DSCAML1: variants seen among roughly 807,000 people sequenced by gnomAD.
DSCAML1 encodes cell adhesion molecule DSCAML1.
Under a neutral mutation model 200.5 loss-of-function variants are expected in DSCAML1, and 38 were observed. The ratio of observed to expected loss-of-function variants is 0.19; its 90% CI spans 0.15 to 0.25. DSCAML1 has a LOEUF of 0.25. DSCAML1 is among the 10% of genes least tolerant of loss of function. DSCAML1 has a pLI of 1.00. For missense variants in DSCAML1, 2,223 were observed against 2,858.8 expected (o/e 0.78, Z 5.07); for synonymous variants, 1,215 against 1,165.0 (o/e 1.04, Z -0.87).
intron 7 of DSCAML1, among the ~76,000 whole-genome samples, chr11:117,517,950 A>ATGGT (rs760173146): frequency 7.7e-4 from 117 of 152,240 alleles, no homozygotes; most frequent in Non-Finnish European, 1.2e-3. Flanking sequence ...GCGGGAGAAG[A>ATGGT]TGGTGCCCTG....
intron 3 of DSCAML1, among the ~76,000 whole-genome samples, chr11:117,607,235 A>G (rs1051625538): frequency 6.6e-6 from 1 of 152,134 alleles, no homozygotes; most frequent in Non-Finnish European, 1.5e-5. Context: ...TCTGTGGCTG[A>G]GTCTATCCAC....
At chr11:117,751,138 A>T (rs548204456) in intron 3 of DSCAML1, among the ~76,000 whole-genome samples, 2 of 152,216 alleles carry the variant, frequency 1.3e-5, no homozygotes, top group Non-Finnish European at 2.9e-5. Flanking sequence ...GTTGGCACGG[A>T]CGTGACTCTG....
chr11:117,780,260 G>GAA lies in DSCAML1; in HGVS notation c.364+231_364+232dup, dbSNP rs1297367517. Among the ~76,000 whole-genome samples, 3 of 91,408 alleles carry GAA rather than the reference G, an allele frequency of 3.3e-5. No homozygotes were observed. The highest frequency in any genetic ancestry group is 5.1e-5 in the Non-Finnish European group (2 of 38,946). 60.0% of individuals were successfully genotyped at this position (91,408 alleles called of 152,430 possible). The stretch of plus-strand genomic sequence containing the variant: ...AGAAAGAAAGAAAGAAAGAAAGAAA[G>GAA]AAAGAAAGAAAGAAAGAAAGAAAGA... On this transcript the variant is annotated intron_variant, in intron 2 of 32. Transcript: ENST00000651296. This position sits in a 1 kb window ranked among gnomAD's most constrained non-coding sequence, Gnocchi z 4.8.
chr11:117,656,291 G>C lies in DSCAML1; in HGVS notation c.511+120500C>G, dbSNP rs12226226. On this transcript the variant is annotated intron_variant, in intron 3 of 32. Transcript: ENST00000651296. The stretch of plus-strand genomic sequence containing the variant: ...ACCGGATCTGGAGTCAGACAAGCCA[G>C]CTCCAAATCCTGGCTCCACCAGGTA... Among the ~76,000 whole-genome samples, 3 of 152,322 alleles carry C rather than the reference G, an allele frequency of 2.0e-5. No homozygotes were observed. The East Asian group carries it at 5.8e-4, about 29-fold the overall frequency.
intron 3 of DSCAML1, among the ~76,000 whole-genome samples, chr11:117,731,020 G>C (rs975697727): frequency 6.6e-6 from 1 of 152,204 alleles, no homozygotes; most frequent in Non-Finnish European, 1.5e-5. Context: ...GACTGTTAAT[G>C]GTTGTGGGGT....
chr11:117,481,906 C>T (rs935356146), intron 12 of DSCAML1, 57 bp downstream of exon 12: 13 of 1,596,950 alleles, frequency 8.1e-6, no homozygotes, highest in East Asian at 6.7e-5. Flanking sequence ...GTGATAGCTG[C>T]GGGCTCCCCA....
At chr11:117,769,233 ATATATTTTATATAT>A (rs2054965620) in intron 3 of DSCAML1, among the ~76,000 whole-genome samples, 2 of 28,368 alleles carry the variant, frequency 7.1e-5, no homozygotes, top group Non-Finnish European at 1.2e-4. Context: ...TGTATATATT[ATATATTTTATATAT>A]GTATATATTA....
intron 3 of DSCAML1, among the ~76,000 whole-genome samples, chr11:117,737,881 C>T (rs1174492040): frequency 2.6e-5 from 4 of 152,136 alleles, no homozygotes; most frequent in African/African-American, 9.7e-5. Flanking sequence ...GGGAGCAGTC[C>T]AGTGTGGTTG....
chr11:117,774,660 G>A (rs978422789), intron 3 of DSCAML1, among the ~76,000 whole-genome samples: 1 of 152,098 alleles, frequency 6.6e-6, no homozygotes, highest in African/African-American at 2.4e-5. Flanking sequence ...AAAGCCAAAG[G>A]CCTCACTGCC....
intron 3 of DSCAML1, among the ~76,000 whole-genome samples, chr11:117,653,952 C>T (rs1040179919): frequency 2.0e-5 from 3 of 152,062 alleles, no homozygotes; most frequent in South Asian, 2.1e-4. Context: ...CTTGAGCCCA[C>T]GAGTTTGAGG....
At chr11:117,546,730 T>C (rs1403699867) in intron 3 of DSCAML1, among the ~76,000 whole-genome samples, 2 of 151,656 alleles carry the variant, frequency 1.3e-5, no homozygotes, top group African/African-American at 4.9e-5. Flanking sequence ...GGGGAGGGGG[T>C]GCAGAGGCAC....
intron 3 of DSCAML1, among the ~76,000 whole-genome samples, chr11:117,654,880 G>A (rs2052702883): frequency 1.3e-5 from 2 of 152,164 alleles, no homozygotes; most frequent in South Asian, 4.1e-4. Flanking sequence ...CGGGTACCCT[G>A]GTGGGGCCAC....
intron 3 of DSCAML1, among the ~76,000 whole-genome samples, chr11:117,746,221 C>CAAAAAAAAA (rs34362262): frequency 4.5e-5 from 3 of 66,798 alleles, no homozygotes; most frequent in African/African-American, 1.4e-4. Context: ...GACTCTGTCT[C>CAAAAAAAAA]AAAAAAAAAA....
At chr11:117,656,782 T>C (rs916741950) in intron 3 of DSCAML1, among the ~76,000 whole-genome samples, 5 of 152,156 alleles carry the variant, frequency 3.3e-5, no homozygotes, top group African/African-American at 9.7e-5. Context: ...TTAGCAACAG[T>C]GTCCAGTCCA....
At chr11:117,632,250 A>G (rs1474369533) in intron 3 of DSCAML1, among the ~76,000 whole-genome samples, 1 of 152,338 alleles carries the variant, frequency 6.6e-6, no homozygotes, top group East Asian at 1.9e-4. Context: ...GGATAGCCAC[A>G]TGCGGTCTTG....
intron 1 of DSCAML1, among the ~76,000 whole-genome samples, chr11:117,802,886 T>C (rs984274080): frequency 6.6e-6 from 1 of 152,216 alleles, no homozygotes; most frequent in Non-Finnish European, 1.5e-5. Flanking sequence ...AGAGGCATAT[T>C]TGGGATGTTT....
At chr11:117,798,380 T>C (rs550486726), upstream of DSCAML1, among the ~76,000 whole-genome samples, 1 of 152,360 alleles carries the variant, frequency 6.6e-6, no homozygotes, top group South Asian at 2.1e-4. Flanking sequence ...TTGGGACTCC[T>C]CACTCCCAGG....
intron 3 of DSCAML1, among the ~76,000 whole-genome samples, chr11:117,672,119 A>G (rs887745393): frequency 1.3e-5 from 2 of 148,374 alleles, no homozygotes; most frequent in Non-Finnish European, 3.0e-5. Flanking sequence ...AAAAAAAAAA[A>G]AAAAGAAGAA....
At chr11:117,514,458 G>C (rs550513258) in intron 8 of DSCAML1, among the ~76,000 whole-genome samples, 9 of 151,386 alleles carry the variant, frequency 5.9e-5, no homozygotes, top group Non-Finnish European at 1.2e-4. Flanking sequence ...CCTCCAGCCT[G>C]TCCTTTCCCT....
Sources: gnomAD v4.1 joint callset for allele counts (sites outside exome capture counted in the v4.1 genomes callset) on GRCh38, gnomAD v4.1.1 for gene constraint, Gnocchi (gnomAD v3.1) non-coding constraint, MANE v1.5 for transcripts, NCBI Gene and HGNC (gene_info 2026-07-23, HGNC 2026-07-21) for gene names.